TMEM165: variants seen among roughly 807,000 people sequenced by gnomAD.
TMEM165 encodes the protein putative divalent cation/proton antiporter TMEM165.
In TMEM165, 19 loss-of-function variants were observed where a neutral mutation model predicts 30.0. That is an observed-to-expected ratio of 0.63 (90% CI 0.44 to 0.93). The LOEUF is 0.93. Ranked by LOEUF, TMEM165 falls within the 40% of genes least tolerant of loss-of-function variation. The pLI, the probability that TMEM165 is intolerant of heterozygous loss-of-function variation, is 0.00. For missense variants in TMEM165, 340 were observed against 417.0 expected (o/e 0.82, Z 1.61); for synonymous variants, 168 against 162.9 (o/e 1.03, Z -0.24).
intron 3 of TMEM165, among the ~76,000 whole-genome samples, chr4:55,438,719 A>C (rs191159812): frequency 7.1e-4 from 108 of 152,348 alleles, no homozygotes; most frequent in Middle Eastern, 3.4e-3. Context: ...CAGTAAAACA[A>C]AAAATTCATA....
chr4:55,396,812 C>G (rs944943093), intron 1 of TMEM165, among the ~76,000 whole-genome samples: 1 of 152,208 alleles, frequency 6.6e-6, no homozygotes, highest in Non-Finnish European at 1.5e-5. Context: ...TTATGCCAAA[C>G]TGCTTACCCA....
At chr4:55,431,164 G>A (rs919279453), downstream of TMEM165, 2 of 152,140 alleles carry the variant, frequency 1.3e-5, no homozygotes, top group Non-Finnish European at 2.9e-5. Flanking sequence ...TTAAAAGTGT[G>A]TGCTATTCCT....
At chr4:55,420,106 A>AAAAAAAAAAATATATATATATATATATAT (rs1474254120) in intron 4 of TMEM165, among the ~76,000 whole-genome samples, 1 of 45,446 alleles carries the variant, frequency 2.2e-5, no homozygotes, top group African/African-American at 8.3e-5. Flanking sequence ...AAGAAAAAAA[A>AAAAAAAAAAATATATATATATATATATAT]ATATATATAT....
At chr4:55,450,975 A>G (rs1020123884) in intron 3 of TMEM165, among the ~76,000 whole-genome samples, 1 of 151,892 alleles carries the variant, frequency 6.6e-6, no homozygotes, top group African/African-American at 2.4e-5. Flanking sequence ...TCCCTTCACC[A>G]ATGTTTCTTT....
chr4:55,426,910 G>A (rs1722226454), downstream of TMEM165, among the ~76,000 whole-genome samples: 1 of 152,258 alleles, frequency 6.6e-6, no homozygotes, highest in South Asian at 2.1e-4. Context: ...GTAGTTTTCT[G>A]CTATAGGAAG....
intron 1 of TMEM165, among the ~76,000 whole-genome samples, chr4:55,400,091 C>T (rs1301640656): frequency 1.4e-5 from 2 of 140,178 alleles, no homozygotes; most frequent in Non-Finnish European, 3.0e-5. Flanking sequence ...GGGATCTTCC[C>T]CTCTTGGCCT....
rs539113333 is a variant in TMEM165 at position 55,398,403 on chromosome 4, A to G, written c.207+2007A>G. Among the ~76,000 whole-genome samples, 5 of 152,356 alleles carry G rather than the reference A, an allele frequency of 3.3e-5. No homozygotes were observed. In the South Asian group the frequency reaches 1.0e-3, roughly 32 times the overall value. On this transcript the variant is annotated intron_variant, in intron 1 of 5. Coordinates refer to ENST00000381334, the MANE Select transcript of TMEM165 (RefSeq NM_018475.5). ...TTGTAAGGAATAGTGGTTTAATATC[A>G]CAGAGCTAGAAGCTAGTTTCAGCAG...
chr4:55,424,270 T>C lies in TMEM165; in HGVS notation c.793-268T>C, dbSNP rs6858749. On this transcript the variant is annotated intron_variant, in intron 4 of 5. Transcript: ENST00000381334. ...AGGAAGTTTAATAACTGCTGAAAGGTTCGATTAGCTTTATTTCATCAGGAT... is the reference window on the plus strand; with the variant it reads ...AGGAAGTTTAATAACTGCTGAAAGGCTCGATTAGCTTTATTTCATCAGGAT... 222,717 of 435,004 alleles carry C rather than the reference T, an allele frequency of 0.51. 60,625 individuals carry two copies. Among genetic ancestry groups the C allele is most frequent in the East Asian group, 0.85 (19,738 of 23,206 alleles). The allele number at this position is 435,004 out of a possible 1,614,324, so 26.9% of individuals were successfully genotyped here. A position where few individuals can be genotyped will look rare whatever the true frequency, so the allele number is the denominator to read the frequency against.
chr4:55,411,554 G>A lies in TMEM165; in HGVS notation c.208-60G>A, dbSNP rs547922218. The A allele has an allele frequency of 9.2e-5, 132 of 1,440,640 alleles. No homozygotes were observed. In the Admixed American group the frequency reaches 1.1e-3, roughly 12 times the overall value. 89.2% of individuals were successfully genotyped at this position (1,440,640 alleles called of 1,614,324 possible). A position where few individuals can be genotyped will look rare whatever the true frequency, so the allele number is the denominator to read the frequency against. ...TTCAAAAAAACTAAATCTTATTTACGTGCAAAATAAAATAATTTTGAATAA... is the reference window on the plus strand; with the variant it reads ...TTCAAAAAAACTAAATCTTATTTACATGCAAAATAAAATAATTTTGAATAA... On this transcript the variant is annotated intron_variant, in intron 1 of 5. Transcript: ENST00000381334.
At chr4:55,398,685 C>G (rs1419239624) in intron 1 of TMEM165, among the ~76,000 whole-genome samples, 1 of 152,088 alleles carries the variant, frequency 6.6e-6, no homozygotes, top group Non-Finnish European at 1.5e-5. Flanking sequence ...TTATCTGCCC[C>G]TACTAGCTTT....
At chr4:55,403,333 A>T (rs1578230401) in intron 1 of TMEM165, 1 of 1,258,206 alleles carries the variant, frequency 7.9e-7, no homozygotes, top group Non-Finnish European at 1.0e-6. Context: ...GGAGATTCCG[A>T]TGCAGGTATC....
intron 1 of TMEM165, among the ~76,000 whole-genome samples, chr4:55,405,564 A>G (rs577220452): frequency 9.2e-5 from 14 of 152,292 alleles, no homozygotes; most frequent in African/African-American, 3.4e-4. Context: ...AGTACTAAAT[A>G]CATAATAGCG....
chr4:55,399,919 T>A (rs1350270812), intron 1 of TMEM165, among the ~76,000 whole-genome samples: 7 of 151,574 alleles, frequency 4.6e-5, no homozygotes, highest in Non-Finnish European at 1.0e-4. Flanking sequence ...AATATTTTCA[T>A]ATATTCTTGG....
intron 1 of TMEM165, among the ~76,000 whole-genome samples, chr4:55,404,540 C>G (rs1389198303): frequency 2.0e-5 from 3 of 152,076 alleles, no homozygotes; most frequent in Admixed American, 2.0e-4. Flanking sequence ...ATCCTCCCAC[C>G]TCAGCCTCCC....
At chr4:55,449,315 T>G in intron 3 of TMEM165, 1 of 1,263,500 alleles carries the variant, frequency 7.9e-7, no homozygotes, top group Non-Finnish European at 1.2e-6. Flanking sequence ...GGGTGACAAA[T>G]AGATGAATTT....
chr4:55,452,474 C>G (rs78202948), exon 4 of TMEM165: 4,256 of 152,704 alleles, frequency 0.028, 84 homozygotes, highest in Non-Finnish European at 0.038. Flanking sequence ...ATGAAAGAAT[C>G]TGAAGTAGAG....
Position 55,411,523 on chromosome 4 carries a change from A to T in TMEM165, c.208-91A>T, listed in dbSNP as rs1560391834. On this transcript the variant is annotated intron_variant, in intron 1 of 5. Coordinates refer to ENST00000381334, the MANE Select transcript of TMEM165 (RefSeq NM_018475.5). The stretch of plus-strand genomic sequence containing the variant: ...AAATAAGTGTAATGACCATGACAAG[A>T]AAATTTTCAAAAAAACTAAATCTTA... The T allele has an allele frequency of 6.1e-5, 74 of 1,220,818 alleles. No homozygotes were observed. The South Asian group carries it at 9.6e-4, about 16-fold the overall frequency. The allele number at this position is 1,220,818 out of a possible 1,614,324, so 75.6% of individuals were successfully genotyped here. A position where few individuals can be genotyped will look rare whatever the true frequency, so the allele number is the denominator to read the frequency against.
chr4:55,407,931 CAG>C (rs1560390261), intron 1 of TMEM165, among the ~76,000 whole-genome samples: 2 of 152,114 alleles, frequency 1.3e-5, no homozygotes, highest in East Asian at 1.9e-4. Context: ...ACTTGAGTCA[CAG>C]GGGGGTGTAC....
At chr4:55,438,364 T>C in intron 3 of TMEM165, 1 of 1,546,972 alleles carries the variant, frequency 6.5e-7, no homozygotes, top group Non-Finnish European at 8.9e-7. Flanking sequence ...CTGGGAGCTC[T>C]GCTGCTGCTG....
Sources: gnomAD v4.1 joint callset for allele counts (sites outside exome capture counted in the v4.1 genomes callset) on GRCh38, gnomAD v4.1.1 for gene constraint, MANE v1.5 for transcripts, NCBI Gene and HGNC (gene_info 2026-07-23, HGNC 2026-07-21) for gene names.